The following XIRP2 variants were observed in gnomAD, a reference collection of about 807,000 sequenced individuals.
The protein encoded by XIRP2 is xin actin-binding repeat-containing protein 2.
In XIRP2, 236 loss-of-function variants were observed where a neutral mutation model predicts 277.0. That is an observed-to-expected ratio of 0.85 (90% CI 0.77 to 0.95). The LOEUF (loss-of-function observed/expected upper bound fraction) is 0.95, where lower values mean the gene tolerates loss of function less well. Among genes scored for constraint, XIRP2 ranks in the 40% least tolerant of loss-of-function variants. The probability of loss-of-function intolerance (pLI) is 0.00; values close to 1 mark genes in which losing one functional copy is unlikely to be tolerated. For missense variants in XIRP2, 4,640 were observed against 4,157.5 expected, an observed-to-expected ratio of 1.12 and a Z score of -3.19; for synonymous variants, 1,490 against 1,416.5, an observed-to-expected ratio of 1.05 and a Z score of -1.17.
intron 2 of XIRP2, among the ~76,000 whole-genome samples, chr2:167,022,781 A>C (rs945141641): frequency 4.6e-5 from 7 of 152,140 alleles, no homozygotes; most frequent in African/African-American, 1.7e-4. Flanking sequence ...ACATGAACTC[A>C]TCCTTTTTTA....
rs1690684463 is a variant in XIRP2, at chr2:167,109,231, A to C, written c.409-26678A>C. ...AATAAAAATAATCTTAATATTATTC[A>C]TGGCTGCATAGTATTCCATGATGTA... On this transcript the variant is annotated intron_variant, in intron 2 of 10. Coordinates refer to ENST00000409195, the MANE Select transcript of XIRP2 (RefSeq NM_152381.6). Among the ~76,000 whole-genome samples, 4 of 152,158 alleles carry C rather than the reference A, an allele frequency of 2.6e-5. No individual in the cohort carries two copies. In the South Asian group the frequency reaches 8.3e-4, roughly 31 times the overall value.
Position 167,248,867 on chromosome 2 carries a change from T to C in XIRP2, c.7475T>C (p.Leu2492Ser). The C allele has an allele frequency of 6.2e-7, 1 of 1,613,518 alleles. No homozygotes were observed. Among genetic ancestry groups the C allele is most frequent in the Non-Finnish European group, 8.5e-7 (1 of 1,179,754 alleles). ...AAGAGTCTTGATGAAAGAAAACAAT[T>C]ATCTATTGACTCTGCAAACTGTCTC... ...ISKSLDERKQ[L>S]SIDSANCLSH... Residue 2492 changes from leucine (L) to serine (S), a missense_variant, in exon 9 of 11, where the codon TTA becomes TCA. Leu to Ser is a moderately radical substitution (Grantham distance 145). Transcript: ENST00000409195.
chr2:167,026,365 G>T, intron 2 of XIRP2, among the ~76,000 whole-genome samples: 1 of 152,006 alleles, frequency 6.6e-6, no homozygotes, highest in East Asian at 1.9e-4. Flanking sequence ...ACGTGAGATG[G>T]GTTTCCTGAA....
chr2:167,098,996 T>A (rs1690410750), intron 2 of XIRP2, among the ~76,000 whole-genome samples: 1 of 152,110 alleles, frequency 6.6e-6, no homozygotes, highest in Non-Finnish European at 1.5e-5. Context: ...TGCTAGGAGG[T>A]GTCTCCCAGT....
chr2:166,897,277 A>G (rs534054431), intron 1 of XIRP2, among the ~76,000 whole-genome samples: 1 of 152,276 alleles, frequency 6.6e-6, no homozygotes, highest in African/African-American at 2.4e-5. Flanking sequence ...ATTCTGCAAG[A>G]CTAGCACTCA....
At chr2:167,144,087 T>C (rs915242927) in intron 3 of XIRP2, among the ~76,000 whole-genome samples, 1 of 152,066 alleles carries the variant, frequency 6.6e-6, no homozygotes, top group Admixed American at 6.5e-5. Flanking sequence ...AACTTCTTAT[T>C]TCTTTTTAAT....
chr2:166,944,142 T>C (rs1407513306), intron 2 of XIRP2, among the ~76,000 whole-genome samples: 1 of 152,234 alleles, frequency 6.6e-6, no homozygotes, highest in Non-Finnish European at 1.5e-5. Context: ...TTTGATTTTC[T>C]TTACAAGGTT....
rs945519648 is a variant in XIRP2 at position 167,246,639 on chromosome 2, C to T, written c.5247C>T (p.Cys1749=). 4 of 1,613,674 alleles carry T rather than the reference C, an allele frequency of 2.5e-6. No homozygotes were observed. In the African/African-American group the frequency reaches 5.3e-5, roughly 22 times the overall value. Residue 1749 remains cysteine, a synonymous_variant, in exon 9 of 11, where the codon TGC becomes TGT. Transcript: ENST00000409195. ...GAAATGTTCAGTTTTTCACAACCTG[C>T]ATAGAAGCTGGAGCTTTGGATTATC... ...ERGNVQFFTT[C]IEAGALDYLK...
At chr2:167,091,274 T>C (rs1343675226) in intron 2 of XIRP2, among the ~76,000 whole-genome samples, 4 of 152,084 alleles carry the variant, frequency 2.6e-5, no homozygotes, top group Non-Finnish European at 5.9e-5. Context: ...TTCTGTGAAA[T>C]TTGCTTTTGT....
At chr2:167,181,330 G>T (rs1247417742) in intron 3 of XIRP2, among the ~76,000 whole-genome samples, 1 of 152,130 alleles carries the variant, frequency 6.6e-6, no homozygotes. Flanking sequence ...CTCTGACTCA[G>T]AGTTTGTCCT....
At chr2:166,901,882 C>T (rs1684395079) in intron 1 of XIRP2, among the ~76,000 whole-genome samples, 1 of 151,974 alleles carries the variant, frequency 6.6e-6, no homozygotes, top group South Asian at 2.1e-4. Context: ...TTAAAATACC[C>T]ACCTTTCGTC....
chr2:167,228,566 A>AC (rs1694673058), intron 5 of XIRP2, among the ~76,000 whole-genome samples: 1 of 151,972 alleles, frequency 6.6e-6, no homozygotes, highest in South Asian at 2.1e-4. Context: ...CTGAAAAAAA[A>AC]CTAAGTACAC....
intron 2 of XIRP2, among the ~76,000 whole-genome samples, chr2:167,005,890 T>C (rs1687491497): frequency 6.6e-6 from 1 of 151,794 alleles, no homozygotes; most frequent in South Asian, 2.1e-4. Flanking sequence ...ACCAACCTTC[T>C]GGATCAGAAT....
intron 5 of XIRP2, among the ~76,000 whole-genome samples, chr2:167,227,512 G>T (rs925144195): frequency 6.6e-6 from 1 of 152,000 alleles, no homozygotes; most frequent in Non-Finnish European, 1.5e-5. Context: ...ACCAGCCTGG[G>T]CAACATAGCA....
chr2:167,083,606 C>G (rs1689816357), intron 2 of XIRP2, among the ~76,000 whole-genome samples: 1 of 152,108 alleles, frequency 6.6e-6, no homozygotes, highest in African/African-American at 2.4e-5. Flanking sequence ...TGTTTGTATC[C>G]TCTTTTATTT....
chr2:167,157,581 T>C (rs7560840), intron 3 of XIRP2, among the ~76,000 whole-genome samples: 16,381 of 151,944 alleles, frequency 0.11, 1,864 homozygotes, highest in African/African-American at 0.29. Context: ...CACACCACAC[T>C]CACACACACA....
chr2:167,163,246 G>A (rs886886432), intron 3 of XIRP2, among the ~76,000 whole-genome samples: 1 of 152,092 alleles, frequency 6.6e-6, no homozygotes, highest in Non-Finnish European at 1.5e-5. Context: ...CCATCAAACT[G>A]TTTTCCATAG....
At chr2:167,225,612 A>G (rs16853266) in intron 5 of XIRP2, among the ~76,000 whole-genome samples, 23,051 of 152,080 alleles carry the variant, frequency 0.15, 2,168 homozygotes, top group African/African-American at 0.27. Context: ...ATAGGCCAGC[A>G]AATACTCATG....
chr2:167,128,137 C>T (rs1691263539), intron 2 of XIRP2, among the ~76,000 whole-genome samples: 1 of 152,132 alleles, frequency 6.6e-6, no homozygotes, highest in Admixed American at 6.6e-5. Flanking sequence ...TCTTGCACTC[C>T]CTCACTACTT....
Sources: gnomAD v4.1 joint callset for allele counts (sites outside exome capture counted in the v4.1 genomes callset) on GRCh38, gnomAD v4.1.1 for gene constraint, MANE v1.5 for transcripts, NCBI Gene and HGNC (gene_info 2026-07-23, HGNC 2026-07-21) for gene names.